CDH4: variants seen among roughly 807,000 people sequenced by gnomAD.
The protein encoded by CDH4 is cadherin 4, also known as cadherin-4.
Under a neutral mutation model 86.0 loss-of-function variants are expected in CDH4, and 33 were observed. The ratio of observed to expected loss-of-function variants is 0.38; its 90% confidence interval spans 0.29 to 0.51. The LOEUF is 0.51. Among genes scored for constraint, CDH4 ranks in the 20% least tolerant of loss-of-function variants. The pLI is 0.86. For missense variants in CDH4, 1,114 were observed against 1,307.4 expected (o/e 0.85, Z 2.28); for synonymous variants, 555 against 549.4 (o/e 1.01, Z -0.14).
At position 61,559,545 on chromosome 20, in the gene CDH4, G is replaced by C. The variant is rs577031340; in HGVS notation, c.170-184018G>C. 4.5e-3 allele frequency among the ~76,000 whole-genome samples: 433 copies of C among 96,352 alleles called. 3 individuals carry two copies. Among genetic ancestry groups the C allele is most frequent in the Admixed American group, 0.026 (205 of 7,924 alleles). The allele number at this position is 96,352 out of a possible 152,430, so 63.2% of individuals were successfully genotyped here. On this transcript the variant is annotated intron_variant, in intron 2 of 15. Coordinates refer to ENST00000614565, the MANE Select transcript of CDH4 (RefSeq NM_001794.5). Reference sequence around the variant, plus strand: ...TTTTTTTTTTTTTTTTTTTGACACAGAGTCTCACTCTGTGTGTGGCCCAGG... The same window carrying C: ...TTTTTTTTTTTTTTTTTTTGACACACAGTCTCACTCTGTGTGTGGCCCAGG...
At chr20:61,416,674 ACACT>A (rs1468749366) in intron 2 of CDH4, among the ~76,000 whole-genome samples, 1 of 152,170 alleles carries the variant, frequency 6.6e-6, no homozygotes, top group Non-Finnish European at 1.5e-5. Context: ...TGTGCATTAG[ACACT>A]CACACCCCAG....
rs572166300 is a variant in CDH4 at position 61,817,566 on chromosome 20, C to T, written c.577-27102C>T. Among the ~76,000 whole-genome samples, 6 of 152,124 alleles carry T rather than the reference C, an allele frequency of 3.9e-5. No homozygotes were observed. The East Asian group carries it at 7.7e-4, about 20-fold the overall frequency. ...TCAGGCTGGAGTGCAGTGGGGTATG[C>T]GCTCCTCCTGGGCTGCCTGTCCTGC... is the stretch of plus-strand genomic sequence containing the variant. On this transcript the variant is annotated intron_variant, in intron 4 of 15. Coordinates refer to ENST00000614565, the MANE Select transcript of CDH4 (RefSeq NM_001794.5).
chr20:61,375,266 C>CCT (rs1169386894), intron 2 of CDH4, among the ~76,000 whole-genome samples: 1 of 152,126 alleles, frequency 6.6e-6, no homozygotes, highest in Non-Finnish European at 1.5e-5. Flanking sequence ...GTTCATGGTA[C>CCT]CTACTAAGTG....
At chr20:61,538,085 A>G (rs2086011309) in intron 2 of CDH4, among the ~76,000 whole-genome samples, 1 of 152,014 alleles carries the variant, frequency 6.6e-6, no homozygotes, top group Admixed American at 6.5e-5. Flanking sequence ...GCCTGTGAGG[A>G]GGTGCATTCA....
rs1325727776 is a variant in CDH4 at position 61,375,760 on chromosome 20, G to C, written c.169+120823G>C. On this transcript the variant is annotated intron_variant, in intron 2 of 15. Coordinates refer to ENST00000614565, the MANE Select transcript of CDH4 (RefSeq NM_001794.5). The stretch of plus-strand genomic sequence containing the variant: ...GGTCTTGGTGGTGGTGATGATGGTG[G>C]TGCTGGTGGTGGTCATAGCACTGGT... 3.6e-5 allele frequency among the ~76,000 whole-genome samples: 4 copies of C among 111,958 alleles called. No individual in the cohort carries two copies. In the South Asian group the frequency reaches 1.4e-3, roughly 38 times the overall value. 73.4% of individuals were successfully genotyped at this position (111,958 alleles called of 152,430 possible).
At chr20:61,891,597 CAGGGCTGCATGATG>C (rs1984822146) in intron 7 of CDH4, among the ~76,000 whole-genome samples, 1 of 152,232 alleles carries the variant, frequency 6.6e-6, no homozygotes, top group Admixed American at 6.5e-5. Flanking sequence ...GAACAACAGC[CAGGGCTGCATGATG>C]AGGCACATGT....
At chr20:61,547,198 C>CTTTTT (rs779375514) in intron 2 of CDH4, among the ~76,000 whole-genome samples, 5 of 93,604 alleles carry the variant, frequency 5.3e-5, no homozygotes, top group Middle Eastern at 7.4e-3. Context: ...CCCCAGAGCT[C>CTTTTT]TTTTTTTTTT....
chr20:61,361,604 C>T (rs748279576), intron 2 of CDH4, among the ~76,000 whole-genome samples: 10 of 152,186 alleles, frequency 6.6e-5, no homozygotes, highest in Non-Finnish European at 1.3e-4. Context: ...TTCCGACAGT[C>T]GTGCGTGGAG....
chr20:61,515,701 G>A (rs532499418), intron 2 of CDH4, among the ~76,000 whole-genome samples: 21 of 152,280 alleles, frequency 1.4e-4, no homozygotes, highest in African/African-American at 4.6e-4. Context: ...AGTCTACCCC[G>A]CCTGGCCATT....
At chr20:61,669,719 G>A (rs1568745441) in intron 2 of CDH4, among the ~76,000 whole-genome samples, 1 of 152,210 alleles carries the variant, frequency 6.6e-6, no homozygotes, top group Non-Finnish European at 1.5e-5. Flanking sequence ...TGGCAAAAGA[G>A]GGTCCTCCCT....
rs370967038 is a variant in CDH4, at chr20:61,485,824, G to A, written c.169+230887G>A. 4.4e-4 allele frequency among the ~76,000 whole-genome samples: 67 copies of A among 152,284 alleles called. No individual in the cohort carries two copies. In the South Asian group the frequency reaches 0.014, roughly 32 times the overall value. On this transcript the variant is annotated intron_variant, in intron 2 of 15. Transcript: ENST00000614565. ...CACTTGCCCCATACGGGTTTCTGTC[G>A]ACATCCAGCTCCTTGGAGCAGCACT... is the stretch of plus-strand genomic sequence containing the variant.
intron 4 of CDH4, among the ~76,000 whole-genome samples, chr20:61,835,421 C>T (rs558520952): frequency 6.6e-6 from 1 of 152,292 alleles, no homozygotes; most frequent in African/African-American, 2.4e-5. Context: ...ATGACAATTC[C>T]ACTGGGTGTG....
chr20:61,519,662 G>A (rs963016184), intron 2 of CDH4, among the ~76,000 whole-genome samples: 6 of 152,250 alleles, frequency 3.9e-5, no homozygotes, highest in South Asian at 2.1e-4. Context: ...ATCGCAGGGC[G>A]ATTACCCTGT....
Position 61,873,965 on chromosome 20 carries a change from A to G in CDH4, c.1050+65A>G, listed in dbSNP as rs373308309. On this transcript the variant is annotated intron_variant, in intron 7 of 15. Transcript: ENST00000614565. The stretch of plus-strand genomic sequence containing the variant: ...CTGGTCCCCGCAGGACACCCACAGG[A>G]CCCTCGGGGAGCCTCTCCAGTGGCG... 229 of 1,557,184 alleles carry G rather than the reference A, an allele frequency of 1.5e-4. 1 individual carries two copies. In the African/African-American group the frequency reaches 2.5e-3, roughly 17 times the overall value.
chr20:61,882,911 A>G (rs916219140), intron 7 of CDH4, among the ~76,000 whole-genome samples: 1 of 140,384 alleles, frequency 7.1e-6, no homozygotes, highest in South Asian at 2.2e-4. Context: ...TCTCCCCCAC[A>G]CCCGACGGAA....
chr20:61,523,023 G>A (rs551570169), intron 2 of CDH4, among the ~76,000 whole-genome samples: 92 of 152,340 alleles, frequency 6.0e-4, no homozygotes, highest in South Asian at 3.3e-3. Flanking sequence ...GCCTCCAGGA[G>A]CAGAGGAAGG....
chr20:61,444,365 TTCTGCA>T (rs2085332867), intron 2 of CDH4, among the ~76,000 whole-genome samples: 4 of 36,742 alleles, frequency 1.1e-4, no homozygotes, highest in Admixed American at 2.7e-4. Flanking sequence ...ATTTTTGTGT[TTCTGCA>T]TGTGTGTGTC....
intron 4 of CDH4, among the ~76,000 whole-genome samples, chr20:61,784,113 C>T (rs1300887308): frequency 1.4e-4 from 4 of 28,072 alleles, no homozygotes; most frequent in South Asian, 2.0e-3. Context: ...CTCAGATGTC[C>T]TGTGCCCCCA....
chr20:61,565,471 A>G (rs73914849), intron 2 of CDH4, among the ~76,000 whole-genome samples: 2,864 of 146,562 alleles, frequency 0.02, 138 homozygotes, highest in African/African-American at 0.069. Context: ...CAACCCTAGA[A>G]AGGCTATGAG....
Sources: allele counts gnomAD v4.1 joint callset (sites outside exome capture counted in the v4.1 genomes callset), GRCh38; gene constraint gnomAD v4.1.1; transcripts MANE v1.5; gene names NCBI Gene and HGNC (gene_info 2026-07-23, HGNC 2026-07-21).